LRP1: variants seen among roughly 807,000 people sequenced by gnomAD.
LRP1 encodes LDL receptor related protein 1.
In LRP1, 51 loss-of-function variants were observed where a neutral mutation model predicts 541.5. The ratio of observed to expected loss-of-function variants is 0.09; its 90% CI spans 0.08 to 0.12. The LOEUF is 0.12. LRP1 is among the 10% of genes least tolerant of loss of function. The pLI, the probability that LRP1 is intolerant of heterozygous loss-of-function variation, is 1.00. For missense variants in LRP1, 3,878 were observed against 6,376.2 expected (o/e 0.61, Z 13.34); for synonymous variants, 2,219 against 2,470.8 (o/e 0.90, Z 3.02).
At chr12:57,144,762 G>C (rs2035365025) in intron 4 of LRP1, 2 of 590,190 alleles carry the variant, frequency 3.4e-6, no homozygotes, top group Admixed American at 2.9e-5. Context: ...GCGTGGATGA[G>C]TGATATGTAC....
intron 20 of LRP1, among the ~76,000 whole-genome samples, chr12:57,170,204 GAGGACACCTGTC>G (rs1433516326): frequency 1.3e-5 from 2 of 152,210 alleles, no homozygotes; most frequent in African/African-American, 2.4e-5. Context: ...CCCTTTCTGT[GAGGACACCTGTC>G]ATATTGGATT....
chr12:57,180,251 C>T (rs908457267), intron 31 of LRP1, 79 bp from the exon 32 acceptor site: 7 of 1,583,200 alleles, frequency 4.4e-6, no homozygotes, highest in South Asian at 1.1e-5. Context: ...TAGCTTAGTG[C>T]CTGTTCTCAC....
chr12:57,169,928 T>C (rs1377509514), intron 20 of LRP1, among the ~76,000 whole-genome samples: 1 of 152,260 alleles, frequency 6.6e-6, no homozygotes, highest in Non-Finnish European at 1.5e-5. Context: ...CAGATTTTTA[T>C]GTGAAAACTA....
rs780553447 is a variant in LRP1, at chr12:57,173,880, G to A, written c.3447G>A (p.Ser1149=). 4.3e-6 allele frequency: 7 copies of A among 1,614,196 alleles called. No homozygotes were observed. Among genetic ancestry groups the A allele is most frequent in the Middle Eastern group, 1.6e-4 (1 of 6,062 alleles). The stretch of plus-strand genomic sequence containing the variant: ...AGTCCCTGGCCTGCAGGCCACCCTC[G>A]CACCCTTGTGCCAACAACACCTCAG... ...NCESLACRPP[S]HPCANNTSVC... is the part of the protein sequence containing the mutation. The change falls in exon 22 of 89, where the codon TCG becomes TCA. Residue 1149 remains serine, a synonymous_variant. Transcript: ENST00000243077. This position sits in a 1 kb window ranked among gnomAD's most constrained non-coding sequence, Gnocchi z 4.7.
intron 44 of LRP1, among the ~76,000 whole-genome samples, chr12:57,191,820 T>C (rs1329023968): frequency 3.1e-5 from 1 of 32,646 alleles, no homozygotes. Flanking sequence ...ACCCCACATA[T>C]ACCACACCAC....
At chr12:57,210,251 C>A (rs1166579079) in intron 81 of LRP1, 56 bp from the exon 82 acceptor site, 2 of 1,547,666 alleles carry the variant, frequency 1.3e-6, no homozygotes, top group African/African-American at 1.4e-5. Flanking sequence ...GACCTTGTTG[C>A]CTGTCCCTCT....
Position 57,212,476 on chromosome 12 carries a change from A to T in LRP1, c.13556A>T (p.His4519Leu), listed in dbSNP as rs1429616608. The T allele has an allele frequency of 5.6e-6, 9 of 1,613,718 alleles. No individual in the cohort carries two copies. Among genetic ancestry groups the T allele is most frequent in the Non-Finnish European group, 7.6e-6 (9 of 1,179,948 alleles). Residue 4519 changes from histidine (H) to leucine (L), a missense_variant, in exon 89 of 89, where the codon CAC (histidine) becomes CTC (leucine). Around this residue, in one of 13 missense-constraint regions of LRP1, gnomAD observed 871 missense variants for 1,212.4 expected, o/e 0.72. Coordinates refer to ENST00000243077, the MANE Select transcript of LRP1 (RefSeq NM_002332.3). This position sits in a 1 kb window ranked among gnomAD's most constrained non-coding sequence, Gnocchi z 5.0. ...TLYMGGHGSRHSLASTDEKRE... is the reference protein window; with the variant it reads ...TLYMGGHGSRLSLASTDEKRE... ...TACATGGGGGGCCATGGCAGTCGCC[A>T]CTCCCTGGCCAGCACGGACGAGAAG...
intron 1 of LRP1, among the ~76,000 whole-genome samples, chr12:57,138,112 C>G (rs1019002671): frequency 2.0e-5 from 3 of 152,124 alleles, no homozygotes; most frequent in African/African-American, 7.2e-5. Flanking sequence ...AATGCACCCC[C>G]CTTCACCATC....
Position 57,206,467 on chromosome 12 carries a change from C to T in LRP1, c.11591-6C>T. ...CAGCCCCAGCCCTGGCCTCTTGCTT[C>T]TCCAGGCTCTGAGTACCAGGTCCTG... On this transcript the variant is annotated splice_region_variant and splice_polypyrimidine_tract_variant and intron_variant, in intron 75 of 88. Coordinates refer to ENST00000243077, the MANE Select transcript of LRP1 (RefSeq NM_002332.3). The surrounding 1 kb of genome is among the most constrained non-coding windows in gnomAD (Gnocchi z 4.7). The T allele has an allele frequency of 6.2e-7, 1 of 1,613,608 alleles. No individual in the cohort carries two copies. Among genetic ancestry groups the T allele is most frequent in the Non-Finnish European group, 8.5e-7 (1 of 1,179,724 alleles).
rs114427200 is a variant in LRP1, at chr12:57,210,048, C to T, written c.12459C>T (p.Arg4153=). 9.9e-6 allele frequency: 16 copies of T among 1,611,584 alleles called. No homozygotes were observed. Among genetic ancestry groups the T allele is most frequent in the African/African-American group, 1.3e-5 (1 of 75,026 alleles). The change falls in exon 81 of 89, where the codon CGC becomes CGT. Residue 4153 remains arginine (R), a synonymous_variant. Transcript: ENST00000243077. ...KQPEVTNPCD[R]KKCEWLCLLS... ...CTGCAGTGACCAACCCATGTGACCGCAAGAAATGCGAGTGGCTCTGCCTGC... is the reference window on the plus strand; with the variant it reads ...CTGCAGTGACCAACCCATGTGACCGTAAGAAATGCGAGTGGCTCTGCCTGC...
chr12:57,128,987 T>C lies in LRP1; in HGVS notation c.23T>C (p.Leu8Pro). MLTPPLL[L>P]LLPLLSALVA... ...ACCATGCTGACCCCGCCGTTGCTCC[T>C]GCTGCTGCCCCTGCTCTCAGCTCTG... is the stretch of plus-strand genomic sequence containing the variant. Residue 8 changes from leucine (L) to proline (P), a missense_variant, in exon 1 of 89, where the codon CTG becomes CCG. By Grantham distance (98) the Leu-to-Pro change is moderately conservative (BLOSUM62 -3). Coordinates refer to ENST00000243077, the MANE Select transcript of LRP1 (RefSeq NM_002332.3). The C allele has an allele frequency of 6.4e-7, 1 of 1,551,308 alleles. No individual in the cohort carries two copies. Among genetic ancestry groups the C allele is most frequent in the Non-Finnish European group, 8.7e-7 (1 of 1,146,712 alleles).
At position 57,158,657 on chromosome 12, in the gene LRP1, G is replaced by T. The variant is rs1439168334; in HGVS notation, c.1798+19G>T. 5 of 1,609,100 alleles carry T rather than the reference G, an allele frequency of 3.1e-6. No homozygotes were observed. The highest frequency in any genetic ancestry group is 4.3e-6 in the Non-Finnish European group (5 of 1,175,676). ...AAGGACGGTATGGGCTCCTAGGGAT[G>T]TGGCCCATGGGGATGGAAGGGGGCT... On this transcript the variant is annotated intron_variant, in intron 11 of 88. Transcript: ENST00000243077. The surrounding 1 kb of genome is among the most constrained non-coding windows in gnomAD (Gnocchi z 5.3).
rs201560196 is a variant in LRP1, at chr12:57,197,289, C to T, written c.9077-10C>T. 6.2e-7 allele frequency: 1 copy of T among 1,613,792 alleles called. No individual in the cohort carries two copies. Among genetic ancestry groups the T allele is most frequent in the Non-Finnish European group, 8.5e-7 (1 of 1,179,664 alleles). On this transcript the variant is annotated splice_polypyrimidine_tract_variant and intron_variant, in intron 56 of 88. Transcript: ENST00000243077. This position sits in a 1 kb window ranked among gnomAD's most constrained non-coding sequence, Gnocchi z 4.5. ...GTGCCAGGAGCTGAGGCAAGATCCT[C>T]TGTCTGCAGACGAGGAACCGTTTCT...
Position 57,196,276 on chromosome 12 carries a change from A to G in LRP1, c.8891A>G (p.Lys2964Arg). 3.2e-6 allele frequency: 5 copies of G among 1,579,444 alleles called. No individual in the cohort carries two copies. The highest frequency in any genetic ancestry group is 4.3e-6 in the Non-Finnish European group (5 of 1,158,140). Reference sequence around the variant, plus strand: ...TGTGAGGACCTCAAGATCGGCTTCAAGGTATGCCCAGCCCTGGGGAGGAGC... The same window carrying G: ...TGTGAGGACCTCAAGATCGGCTTCAGGGTATGCCCAGCCCTGGGGAGGAGC... ...QDCEDLKIGF[K>R]CRCRPGFRLK... Residue 2964 changes from lysine to arginine, a missense_variant and splice_region_variant, in exon 55 of 89, where the codon AAG becomes AGG. Around this residue, in one of 13 missense-constraint regions of LRP1, gnomAD observed 1,100 missense variants for 1,827.4 expected, o/e 0.60. Transcript: ENST00000243077.
chr12:57,140,868 G>A (rs993070521), intron 2 of LRP1, among the ~76,000 whole-genome samples: 1 of 152,130 alleles, frequency 6.6e-6, no homozygotes, highest in African/African-American at 2.4e-5. Flanking sequence ...GAGTAGCTGG[G>A]ACTACAGGTG....
At chr12:57,149,770 C>T (rs1266706486) in intron 6 of LRP1, 1 of 712,150 alleles carries the variant, frequency 1.4e-6, no homozygotes, top group Admixed American at 2.0e-5. Context: ...GAAGTCGGGA[C>T]CCAGCAGGAA....
At chr12:57,141,314 A>C in intron 2 of LRP1, 60 bp from the exon 3 acceptor site, 1 of 1,606,038 alleles carries the variant, frequency 6.2e-7, no homozygotes, top group Non-Finnish European at 8.5e-7. Flanking sequence ...CCCAGTGAAC[A>C]GCTGACCAGA....
rs547815805 is a variant in LRP1, at chr12:57,173,661, C to T, written c.3347-119C>T. The T allele has an allele frequency of 1.2e-4, 133 of 1,077,492 alleles. No homozygotes were observed. The African/African-American group carries it at 1.6e-3, about 13-fold the overall frequency. 66.7% of individuals were successfully genotyped at this position (1,077,492 alleles called of 1,614,324 possible). ...TGACCCAAAAAGCCTCGGGGTTCCT[C>T]GTGGACCCCACAGCGTTGCAATCCT... On this transcript the variant is annotated intron_variant, in intron 21 of 88. Coordinates refer to ENST00000243077, the MANE Select transcript of LRP1 (RefSeq NM_002332.3). This position sits in a 1 kb window ranked among gnomAD's most constrained non-coding sequence, Gnocchi z 4.7.
chr12:57,195,942 C>T lies in LRP1; in HGVS notation c.8640C>T (p.Gly2880=), dbSNP rs564575661. The T allele has an allele frequency of 9.3e-6, 15 of 1,613,428 alleles. No individual in the cohort carries two copies. The highest frequency in any genetic ancestry group is 6.7e-5 in the East Asian group (3 of 44,898). ...GCTCCCGCCAGTGGGAGTGTGATGG[C>T]GAGAATGACTGCCACGACCAGAGTG... ...CLSSRQWECD[G]ENDCHDQSDE... The change falls in exon 54 of 89, where the codon GGC becomes GGT. Residue 2880 remains glycine (G), a synonymous_variant. Coordinates refer to ENST00000243077, the MANE Select transcript of LRP1 (RefSeq NM_002332.3).
Sources: allele counts gnomAD v4.1 joint callset (sites outside exome capture counted in the v4.1 genomes callset), GRCh38; gene constraint gnomAD v4.1.1; regional missense constraint gnomAD v4.1.1; non-coding constraint Gnocchi (gnomAD v3.1); transcripts MANE v1.5; gene names NCBI Gene and HGNC (gene_info 2026-07-23, HGNC 2026-07-21).